TMEM200A: variants seen among roughly 807,000 people sequenced by gnomAD.
TMEM200A encodes transmembrane protein 200A.
In TMEM200A, 12 loss-of-function variants were observed where a neutral mutation model predicts 24.3. The observed-to-expected ratio is 0.49, with a 90% CI of 0.32 to 0.80. TMEM200A has a LOEUF of 0.80. Ranked by LOEUF, TMEM200A falls within the 30% of genes least tolerant of loss-of-function variation. The pLI is 0.04. For synonymous variants in TMEM200A, 224 were observed against 224.4 expected (o/e 1.00, Z 0.02); for missense variants, 545 against 614.4 (o/e 0.89, Z 1.19).
In TMEM200A at chr6:130,441,917, T is replaced by C. The variant is rs761582329; in HGVS notation, c.*19T>C. 5.1e-6 allele frequency: 8 copies of C among 1,570,596 alleles called. No individual in the cohort carries two copies. The South Asian group carries it at 9.7e-5, about 19-fold the overall frequency. ...GTTTTAATGTTAAAAGAATATATCA[T>C]TTTACAAGGGTATATATTTTAAAAC... is the stretch of plus-strand genomic sequence containing the variant. On this transcript the variant is annotated 3_prime_UTR_variant, in exon 3 of 3. Coordinates refer to ENST00000296978, the MANE Select transcript of TMEM200A (RefSeq NM_001258277.2).
Position 130,386,680 on chromosome 6 carries a change from C to T in TMEM200A, c.-17+1444C>T, listed in dbSNP as rs528697871. 2.6e-5 allele frequency among the ~76,000 whole-genome samples: 4 copies of T among 152,236 alleles called. No individual in the cohort carries two copies. The South Asian group carries it at 8.3e-4, about 32-fold the overall frequency. The stretch of plus-strand genomic sequence containing the variant: ...TTTAAAAGATACTCTAGGTGATTAG[C>T]ATTAAGATTTTGTTTTCACCAAAAA... On this transcript the variant is annotated intron_variant, in intron 2 of 2. Transcript: ENST00000296978.
chr6:130,417,758 A>G (rs1779491490), intron 2 of TMEM200A, among the ~76,000 whole-genome samples: 3 of 152,224 alleles, frequency 2.0e-5, no homozygotes, highest in Admixed American at 2.0e-4. Flanking sequence ...GATCATATGT[A>G]GATGAACTTC....
At chr6:130,404,271 T>C (rs1779156132) in intron 2 of TMEM200A, among the ~76,000 whole-genome samples, 1 of 152,194 alleles carries the variant, frequency 6.6e-6, no homozygotes, top group South Asian at 2.1e-4. Context: ...CCACAGAGGA[T>C]GAACTAATTT....
intron 1 of TMEM200A, among the ~76,000 whole-genome samples, chr6:130,374,885 C>G (rs549245092): frequency 1.2e-4 from 19 of 152,148 alleles, no homozygotes; most frequent in Non-Finnish European, 2.6e-4. Context: ...TGAACTTTGA[C>G]TTATTCCAGA....
At chr6:130,416,020 A>G (rs1030162500) in intron 2 of TMEM200A, among the ~76,000 whole-genome samples, 1 of 152,122 alleles carries the variant, frequency 6.6e-6, no homozygotes, top group African/African-American at 2.4e-5. Context: ...ATGACATTTA[A>G]GATTTTTTAT....
intron 2 of TMEM200A, among the ~76,000 whole-genome samples, chr6:130,420,527 A>G (rs1262601979): frequency 6.6e-6 from 1 of 152,186 alleles, no homozygotes; most frequent in Non-Finnish European, 1.5e-5. Flanking sequence ...TTCTGACCAA[A>G]GTAAGTCACC....
intron 2 of TMEM200A, among the ~76,000 whole-genome samples, chr6:130,416,147 G>A (rs1019738074): frequency 1.3e-5 from 2 of 152,106 alleles, no homozygotes; most frequent in Non-Finnish European, 1.5e-5. Context: ...AAATGATGCT[G>A]TAAGAGAACA....
chr6:130,380,368 A>G (rs949970733), intron 1 of TMEM200A, among the ~76,000 whole-genome samples: 4 of 152,174 alleles, frequency 2.6e-5, no homozygotes, highest in Non-Finnish European at 5.9e-5. Context: ...GCTAAGTGAT[A>G]TATTATTTTT....
intron 2 of TMEM200A, among the ~76,000 whole-genome samples, chr6:130,387,046 C>A (rs188508692): frequency 1.3e-5 from 2 of 152,240 alleles, no homozygotes; most frequent in Admixed American, 1.3e-4. Flanking sequence ...CTTTAATTAT[C>A]AATGCTAAGA....
At chr6:130,367,677 TTCTTTATAAACACCTCAAGTGA>T (rs1335410108) in intron 1 of TMEM200A, among the ~76,000 whole-genome samples, 3 of 152,244 alleles carry the variant, frequency 2.0e-5, no homozygotes, top group African/African-American at 7.2e-5. Context: ...TGTAGTTTCA[TTCTTTATAAACACCTCAAGTGA>T]AGAATAGAAG....
chr6:130,430,109 GA>G (rs1050143250), intron 2 of TMEM200A, among the ~76,000 whole-genome samples: 1 of 151,952 alleles, frequency 6.6e-6, no homozygotes, highest in Non-Finnish European at 1.5e-5. Flanking sequence ...ATAAACAACA[GA>G]AACTTATTTA....
At chr6:130,426,018 A>G (rs536161044) in intron 2 of TMEM200A, among the ~76,000 whole-genome samples, 1 of 152,348 alleles carries the variant, frequency 6.6e-6, no homozygotes, top group Admixed American at 6.5e-5. Context: ...TTTTGATGAA[A>G]AAAAATCAAG....
chr6:130,370,646 A>G (rs1778299559), intron 1 of TMEM200A, among the ~76,000 whole-genome samples: 1 of 152,210 alleles, frequency 6.6e-6, no homozygotes, highest in Non-Finnish European at 1.5e-5. Flanking sequence ...AGCAAGGTAT[A>G]GCCCAGTGAT....
intron 1 of TMEM200A, among the ~76,000 whole-genome samples, chr6:130,369,626 T>C (rs1206320080): frequency 6.6e-6 from 1 of 152,204 alleles, no homozygotes. Context: ...GAGTAATTGA[T>C]ATGACTCTTC....
chr6:130,393,295 G>C lies in TMEM200A; in HGVS notation c.-17+8059G>C, dbSNP rs566548113. Among the ~76,000 whole-genome samples the C allele has an allele frequency of 5.3e-5, 8 of 152,258 alleles. No individual in the cohort carries two copies. In the South Asian group the frequency reaches 8.3e-4, roughly 16 times the overall value. Reference sequence around the variant, plus strand: ...AATTGTCCCTAATTTTAAGGAATTTGATCTTGTAAGGGAGAAATACCAGAA... The same window carrying C: ...AATTGTCCCTAATTTTAAGGAATTTCATCTTGTAAGGGAGAAATACCAGAA... On this transcript the variant is annotated intron_variant, in intron 2 of 2. Coordinates refer to ENST00000296978, the MANE Select transcript of TMEM200A (RefSeq NM_001258277.2).
At chr6:130,404,520 G>A (rs1333442179) in intron 2 of TMEM200A, among the ~76,000 whole-genome samples, 1 of 151,996 alleles carries the variant, frequency 6.6e-6, no homozygotes, top group African/African-American at 2.4e-5. Context: ...ACTTTTTAAT[G>A]GGGTTGTTTT....
chr6:130,418,081 A>T (rs979089102), intron 2 of TMEM200A, among the ~76,000 whole-genome samples: 27 of 152,272 alleles, frequency 1.8e-4, no homozygotes, highest in African/African-American at 5.5e-4. Context: ...TAGTGTGAGC[A>T]CACTAACCAC....
At chr6:130,411,934 A>G (rs1390234030) in intron 2 of TMEM200A, among the ~76,000 whole-genome samples, 3 of 152,176 alleles carry the variant, frequency 2.0e-5, no homozygotes, top group Non-Finnish European at 4.4e-5. Context: ...TAAAGTATCA[A>G]TGTATACGTT....
At chr6:130,399,037 T>A (rs78376570) in intron 2 of TMEM200A, among the ~76,000 whole-genome samples, 2,560 of 152,112 alleles carry the variant, frequency 0.017, 79 homozygotes, top group African/African-American at 0.057. Context: ...TTTCTCCGAC[T>A]TCAATGATAG....
Sources: allele counts gnomAD v4.1 joint callset (sites outside exome capture counted in the v4.1 genomes callset), GRCh38; gene constraint gnomAD v4.1.1; transcripts MANE v1.5; gene names NCBI Gene and HGNC (gene_info 2026-07-23, HGNC 2026-07-21).